The following MACROD2 variants were observed in gnomAD, a reference collection of about 807,000 sequenced individuals.
MACROD2 encodes the protein mono-ADP ribosylhydrolase 2.
MACROD2 carries 36 observed loss-of-function variants against 70.4 expected under a neutral mutation model. The observed-to-expected ratio is 0.51, with a 90% CI of 0.39 to 0.68. MACROD2 has a LOEUF of 0.68. MACROD2 is among the 30% of genes least tolerant of loss of function. The pLI is 0.00. For synonymous variants in MACROD2, 172 were observed against 178.8 expected, an observed-to-expected ratio of 0.96 and a Z score of 0.30; for missense variants, 496 against 538.4, an observed-to-expected ratio of 0.92 and a Z score of 0.78.
chr20:15,344,703 C>G (rs890071818), intron 6 of MACROD2, among the ~76,000 whole-genome samples: 7 of 152,112 alleles, frequency 4.6e-5, no homozygotes, highest in Non-Finnish European at 8.8e-5. Context: ...TTGCAGCCAC[C>G]ATGGCCCTGC....
At chr20:14,857,187 A>G (rs928001147) in intron 5 of MACROD2, among the ~76,000 whole-genome samples, 1 of 152,060 alleles carries the variant, frequency 6.6e-6, no homozygotes, top group Admixed American at 6.6e-5. Context: ...TGATCATCTC[A>G]CTGTCCTCCA....
At chr20:14,935,686 C>T (rs998669630) in intron 5 of MACROD2, among the ~76,000 whole-genome samples, 1 of 152,106 alleles carries the variant, frequency 6.6e-6, no homozygotes, top group East Asian at 1.9e-4. Context: ...TCCTGGGTGG[C>T]CAAGCCTCCT....
At chr20:14,798,338 G>A (rs558640396) in intron 5 of MACROD2, among the ~76,000 whole-genome samples, 41 of 152,052 alleles carry the variant, frequency 2.7e-4, no homozygotes, top group African/African-American at 9.6e-4. Flanking sequence ...TGTTTTTAAA[G>A]TTTCAATTTT....
chr20:14,180,302 CAG>C (rs561898540), intron 3 of MACROD2, among the ~76,000 whole-genome samples: 84 of 152,112 alleles, frequency 5.5e-4, no homozygotes, highest in African/African-American at 1.9e-3. Context: ...AGGTTTAATG[CAG>C]AGAGTGTGTT....
intron 5 of MACROD2, among the ~76,000 whole-genome samples, chr20:14,741,596 A>C (rs2071733020): frequency 6.6e-6 from 1 of 152,158 alleles, no homozygotes; most frequent in Non-Finnish European, 1.5e-5. Flanking sequence ...AGAAGAAAAA[A>C]GGCAATTCCA....
intron 4 of MACROD2, among the ~76,000 whole-genome samples, chr20:14,563,721 A>G (rs964932322): frequency 1.3e-5 from 2 of 151,964 alleles, no homozygotes; most frequent in African/African-American, 4.8e-5. Flanking sequence ...CTTTTCAAAT[A>G]AATTCTAGTT....
At chr20:14,543,153 A>G (rs1167626692) in intron 4 of MACROD2, among the ~76,000 whole-genome samples, 1 of 152,152 alleles carries the variant, frequency 6.6e-6, no homozygotes, top group African/African-American at 2.4e-5. Flanking sequence ...AGTGGATGCC[A>G]GAAACCACAG....
chr20:14,564,727 T>C (rs1979662280), intron 4 of MACROD2, among the ~76,000 whole-genome samples: 1 of 151,984 alleles, frequency 6.6e-6, no homozygotes, highest in South Asian at 2.1e-4. Flanking sequence ...AAAATTCTTA[T>C]ACACTGTCGG....
At chr20:14,427,864 T>G (rs1237924534) in intron 3 of MACROD2, among the ~76,000 whole-genome samples, 2 of 152,078 alleles carry the variant, frequency 1.3e-5, no homozygotes, top group Admixed American at 1.3e-4. Flanking sequence ...GTGGCTGAAT[T>G]AGCAGATTTT....
intron 5 of MACROD2, among the ~76,000 whole-genome samples, chr20:14,945,749 G>A (rs1332277843): frequency 6.6e-6 from 1 of 152,054 alleles, no homozygotes; most frequent in African/African-American, 2.4e-5. Context: ...GTACTTGCAT[G>A]GAATGATCCC....
At chr20:15,841,787 G>A (rs1436068099) in intron 8 of MACROD2, among the ~76,000 whole-genome samples, 1 of 152,112 alleles carries the variant, frequency 6.6e-6, no homozygotes, top group African/African-American at 2.4e-5. Context: ...TGCTTGACTA[G>A]AAGATTCTGG....
At chr20:15,862,704 A>G (rs1352539929) in intron 8 of MACROD2, 41 bp from the exon 9 acceptor site, 3 of 1,530,202 alleles carry the variant, frequency 2.0e-6, no homozygotes, top group Middle Eastern at 1.7e-4. Flanking sequence ...GGCAATTGCC[A>G]TATTTTTTTT....
chr20:14,663,022 C>T (rs1568726421), intron 4 of MACROD2, among the ~76,000 whole-genome samples: 1 of 152,004 alleles, frequency 6.6e-6, no homozygotes, highest in Admixed American at 6.6e-5. Flanking sequence ...TTTATGAAGA[C>T]ACATGCACAC....
chr20:14,228,439 G>A (rs1235649486), intron 3 of MACROD2, among the ~76,000 whole-genome samples: 2 of 151,040 alleles, frequency 1.3e-5, no homozygotes, highest in Non-Finnish European at 2.9e-5. Flanking sequence ...CCGGGTTCAC[G>A]CCATTCTCCT....
intron 5 of MACROD2, among the ~76,000 whole-genome samples, chr20:14,919,972 A>C (rs1163027151): frequency 1.3e-5 from 2 of 152,138 alleles, no homozygotes; most frequent in Admixed American, 1.3e-4. Flanking sequence ...TGCTGAATCT[A>C]GCTCCTCCCA....
chr20:14,904,813 A>G (rs773572109), intron 5 of MACROD2: 10 of 152,210 alleles, frequency 6.6e-5, no homozygotes, highest in Non-Finnish European at 1.5e-4. Context: ...CACATAGTAA[A>G]TGCTCAATGG....
intron 12 of MACROD2, among the ~76,000 whole-genome samples, chr20:15,951,344 CACACACAA>C (rs1261734861): frequency 3.4e-5 from 5 of 148,684 alleles, no homozygotes; most frequent in African/African-American, 1.0e-4. Context: ...CACACACACA[CACACACAA>C]AGAGAGAGAG....
Position 14,515,469 on chromosome 20 carries a change from A to ACGCGCG in MACROD2, c.301+21962_301+21963insGCGCGC, listed in dbSNP as rs1555798354. ...ATATGTGAGATACACACACACGCAC[A>ACGCGCG]CACACACACACACACACACACACAC... On this transcript the variant is annotated intron_variant, in intron 4 of 17. Coordinates refer to ENST00000684519, the MANE Select transcript of MACROD2 (RefSeq NM_001351661.2). Among the ~76,000 whole-genome samples the ACGCGCG allele has an allele frequency of 9.7e-5, 14 of 143,726 alleles. No individual in the cohort carries two copies. In the Middle Eastern group the frequency reaches 0.011, roughly 111 times the overall value. 94.3% of individuals were successfully genotyped at this position (143,726 alleles called of 152,430 possible).
intron 5 of MACROD2, among the ~76,000 whole-genome samples, chr20:14,825,584 T>G (rs1344498150): frequency 6.6e-6 from 1 of 152,098 alleles, no homozygotes; most frequent in Non-Finnish European, 1.5e-5. Flanking sequence ...GCATCAAGAT[T>G]GTTCTTTTCC....
Sources: gnomAD v4.1 joint callset for allele counts (sites outside exome capture counted in the v4.1 genomes callset) on GRCh38, gnomAD v4.1.1 for gene constraint, MANE v1.5 for transcripts, NCBI Gene and HGNC (gene_info 2026-07-23, HGNC 2026-07-21) for gene names.